FGR: variants seen among roughly 807,000 people sequenced by gnomAD.
FGR encodes tyrosine-protein kinase Fgr.
Under a neutral mutation model 63.2 loss-of-function variants are expected in FGR, and 26 were observed. The observed-to-expected ratio is 0.41, with a 90% CI of 0.30 to 0.57. The LOEUF is 0.57. Ranked by LOEUF, FGR falls within the 20% of genes least tolerant of loss-of-function variation. The pLI is 0.27. For missense variants in FGR, 511 were observed against 690.8 expected (o/e 0.74, Z 2.92); for synonymous variants, 286 against 277.7 (o/e 1.03, Z -0.30).
Position 27,614,910 on chromosome 1 carries a change from A to G in FGR, c.1035T>C (p.Phe345=). ...EFMCHGSLLD[F]LKNPEGQDLR... is the part of the protein sequence containing the mutation. ...AATCCTGGCCCTCTGGGTTCTTGAGAAAATCCAGCAAGCTGCCTGGGAAGA... is the reference window on the plus strand; with the variant it reads ...AATCCTGGCCCTCTGGGTTCTTGAGGAAATCCAGCAAGCTGCCTGGGAAGA... Residue 345 remains phenylalanine, a synonymous_variant, in exon 10 of 13, where the codon TTT becomes TTC. Coordinates refer to ENST00000374005, the MANE Select transcript of FGR (RefSeq NM_005248.3). The G allele has an allele frequency of 1.3e-6, 2 of 1,598,586 alleles. No individual in the cohort carries two copies. Among genetic ancestry groups the G allele is most frequent in the South Asian group, 1.1e-5 (1 of 89,024 alleles).
In FGR at chr1:27,612,966, T is replaced by C. The variant is rs745694834; in HGVS notation, c.1538A>G (p.Glu513Gly). ...PTFEYLQSFL[E>G]DYFTSAEPQY... ...TGGTTCAGCGGAGGTGAAGTAGTCCTCCAGGAAGGACTGCAGGTACTCGAA... is the reference window on the plus strand; with the variant it reads ...TGGTTCAGCGGAGGTGAAGTAGTCCCCCAGGAAGGACTGCAGGTACTCGAA... The change falls in exon 13 of 13, where the codon GAG becomes GGG. Residue 513 changes from glutamate to glycine, a missense_variant. Glu to Gly is a moderately conservative substitution (Grantham distance 98). Coordinates refer to ENST00000374005, the MANE Select transcript of FGR (RefSeq NM_005248.3). 2 of 1,614,160 alleles carry C rather than the reference T, an allele frequency of 1.2e-6. No homozygotes were observed. The highest frequency in any genetic ancestry group is 2.2e-5 in the East Asian group (1 of 44,878).
intron 1 of FGR, among the ~76,000 whole-genome samples, chr1:27,630,759 G>A (rs561826435): frequency 6.6e-6 from 1 of 152,202 alleles, no homozygotes; most frequent in East Asian, 1.9e-4. Flanking sequence ...TTATAAATAT[G>A]TCTCTTGAAC....
In FGR at chr1:27,621,582, AG is replaced by A; in HGVS notation, c.404del (p.Pro135LeufsTer61). The A allele has an allele frequency of 6.2e-7, 1 of 1,613,826 alleles. No homozygotes were observed. Among genetic ancestry groups the A allele is most frequent in the Non-Finnish European group, 8.5e-7 (1 of 1,179,872 alleles). The part of the protein sequence containing the change: ...TGCIPSNYVA[P>X]VDSIQAEEWY... Reference sequence around the variant, plus strand: ...ACTCTTCAGCTTGGATTGAGTCAACAGGGGCCACGTAGTTGCTGGGAATGCA... The same window carrying A: ...ACTCTTCAGCTTGGATTGAGTCAACAGGGCCACGTAGTTGCTGGGAATGCA... On this transcript the variant is annotated frameshift_variant, in exon 5 of 13. Coordinates refer to ENST00000374005, the MANE Select transcript of FGR (RefSeq NM_005248.3). LOFTEE classifies it high-confidence loss of function.
chr1:27,631,375 C>T (rs1557741323), intron 1 of FGR, among the ~76,000 whole-genome samples: 1 of 152,164 alleles, frequency 6.6e-6, no homozygotes, highest in Admixed American at 6.5e-5. Context: ...CATCCTTTTT[C>T]GAGGCCCACA....
chr1:27,620,606 G>A (rs780066503), intron 5 of FGR, among the ~76,000 whole-genome samples: 6 of 151,892 alleles, frequency 4.0e-5, no homozygotes, highest in Non-Finnish European at 7.4e-5. Flanking sequence ...ATCAGAGCAC[G>A]CCCCTGTCTC....
chr1:27,623,170 G>T, intron 3 of FGR, 26 bp from the exon 4 acceptor site: 1 of 1,564,048 alleles, frequency 6.4e-7, no homozygotes, highest in Non-Finnish European at 8.8e-7. Context: ...TACTCAGCAG[G>T]GTAGGGCATG....
intron 12 of FGR, 29 bp downstream of exon 12, chr1:27,613,190 A>AC: frequency 1.2e-6 from 2 of 1,610,334 alleles, no homozygotes. Context: ...ACCATCCCCC[A>AC]CCCCAGCCCT....
At chr1:27,619,997 T>G (rs2089890180) in intron 5 of FGR, among the ~76,000 whole-genome samples, 1 of 152,082 alleles carries the variant, frequency 6.6e-6, no homozygotes, top group Non-Finnish European at 1.5e-5. Context: ...AGCCTCAGTT[T>G]CCTCATCTGT....
intron 11 of FGR, among the ~76,000 whole-genome samples, chr1:27,613,568 T>A (rs1230265530): frequency 6.6e-6 from 1 of 152,060 alleles, no homozygotes; most frequent in Middle Eastern, 3.4e-3. Context: ...CCGGGCATGG[T>A]GGCGGGTGCC....
In FGR at chr1:27,612,675, T is replaced by C; in HGVS notation, c.*239A>G. ...GAAAGGCTACAGGCATGTAGGGGCC[T>C]AAGTGGAAAAGGAAGAAATAGTGCT... On this transcript the variant is annotated 3_prime_UTR_variant, in exon 13 of 13. Transcript: ENST00000374005. The C allele has an allele frequency of 7.6e-6, 4 of 527,666 alleles. No homozygotes were observed. Among genetic ancestry groups the C allele is most frequent in the South Asian group, 4.8e-5 (2 of 41,698 alleles). 32.7% of individuals were successfully genotyped at this position (527,666 alleles called of 1,614,324 possible).
At position 27,615,850 on chromosome 1, in the gene FGR, G is replaced by T. The variant is rs1003013172; in HGVS notation, c.683-6C>A. On this transcript the variant is annotated splice_region_variant and splice_polypyrimidine_tract_variant and intron_variant, in intron 7 of 12. Transcript: ENST00000374005. This position sits in a 1 kb window ranked among gnomAD's most constrained non-coding sequence, Gnocchi z 7.6. ...GCACAGCCCGTCATTCACCTCTAGG[G>T]GAGGGGTCATGAAGTAGAGTCACAG... 6.3e-7 allele frequency: 1 copy of T among 1,575,370 alleles called. No individual in the cohort carries two copies. The highest frequency in any genetic ancestry group is 8.6e-7 in the Non-Finnish European group (1 of 1,158,356).
chr1:27,634,118 A>G (rs1470064512), intron 1 of FGR, among the ~76,000 whole-genome samples: 1 of 135,550 alleles, frequency 7.4e-6, no homozygotes, highest in Non-Finnish European at 1.6e-5. Context: ...GAGGATTCCA[A>G]AAGGGGGCGA....
intron 5 of FGR, among the ~76,000 whole-genome samples, chr1:27,618,141 G>T (rs914166446): frequency 6.6e-6 from 1 of 152,158 alleles, no homozygotes; most frequent in African/African-American, 2.4e-5. Flanking sequence ...ACTAGGCACA[G>T]TTCAGGAAAC....
At chr1:27,622,438 T>C (rs924353626) in intron 4 of FGR, among the ~76,000 whole-genome samples, 1 of 152,070 alleles carries the variant, frequency 6.6e-6, no homozygotes, top group Non-Finnish European at 1.5e-5. Flanking sequence ...TCTCATTCTC[T>C]CTCACTCTCT....
chr1:27,623,693 G>T lies in FGR; in HGVS notation c.224C>A (p.Ser75Ter). The change falls in exon 3 of 13, where the codon TCA (serine) becomes TAA (stop). Residue 75 changes from serine (S) to a stop codon, truncating the protein, a stop_gained and splice_region_variant. Coordinates refer to ENST00000374005, the MANE Select transcript of FGR (RefSeq NM_005248.3). LOFTEE classifies it high-confidence loss of function. ...TGCCTCCGACCCCTTGGACTCACCT[G>T]ACACACCCCTGATGGTGCCACTATC... ...FLDSGTIRGV[S>*]GIGVTLFIAL... The T allele has an allele frequency of 6.2e-7, 1 of 1,614,094 alleles. No homozygotes were observed. The highest frequency in any genetic ancestry group is 1.1e-5 in the South Asian group (1 of 91,046).
intron 1 of FGR, among the ~76,000 whole-genome samples, chr1:27,629,024 CAG>C (rs1306702605): frequency 6.6e-6 from 1 of 151,660 alleles, no homozygotes; most frequent in African/African-American, 2.4e-5. Context: ...GCTGTTTTGT[CAG>C]AGGAAAGAAA....
intron 1 of FGR, among the ~76,000 whole-genome samples, chr1:27,632,800 G>T (rs1041183068): frequency 6.6e-6 from 1 of 152,146 alleles, no homozygotes; most frequent in Admixed American, 6.5e-5. Flanking sequence ...TTCACAGTGT[G>T]GCCAGACAGG....
At position 27,616,864 on chromosome 1, in the gene FGR, G is replaced by A. The variant is rs757133199; in HGVS notation, c.675C>T (p.His225=). The A allele has an allele frequency of 1.9e-6, 3 of 1,614,164 alleles. No homozygotes were observed. In the Admixed American group the frequency reaches 5.0e-5, roughly 27 times the overall value. The part of the protein sequence containing the change: ...QFNSVQELVQ[H]YMEVNDGLCN... ...TGAGGCCCCTGCCCTCACCCATGTA[G>A]TGCTGCACCAGCTCCTGCACCGAGT... Residue 225 remains histidine (H), a synonymous_variant, in exon 7 of 13, where the codon CAC becomes CAT. Coordinates refer to ENST00000374005, the MANE Select transcript of FGR (RefSeq NM_005248.3). The surrounding 1 kb of genome is among the most constrained non-coding windows in gnomAD (Gnocchi z 4.3).
chr1:27,617,253 G>A lies in FGR; in HGVS notation c.472C>T (p.Leu158=), dbSNP rs751425969. 4.3e-6 allele frequency: 7 copies of A among 1,614,064 alleles called. No homozygotes were observed. The highest frequency in any genetic ancestry group is 5.1e-6 in the Non-Finnish European group (6 of 1,180,022). The change falls in exon 6 of 13, where the codon CTG becomes TTG. Residue 158 remains leucine, a synonymous_variant. Transcript: ENST00000374005. This position sits in a 1 kb window ranked among gnomAD's most constrained non-coding sequence, Gnocchi z 4.5. ...KIGRKDAERQ[L]LSPGNPQGAF... ...CCCTGGGGGTTGCCTGGTGAAAGCA[G>A]CTGCCTCTCTGCATCCTTTCTCCCA...
Sources: allele counts gnomAD v4.1 joint callset (sites outside exome capture counted in the v4.1 genomes callset), GRCh38; gene constraint gnomAD v4.1.1; non-coding constraint Gnocchi (gnomAD v3.1); transcripts MANE v1.5; gene names NCBI Gene and HGNC (gene_info 2026-07-23, HGNC 2026-07-21).